APP: variants seen among roughly 807,000 people sequenced by gnomAD.
The protein encoded by APP is amyloid-beta precursor protein.
In APP, 31 loss-of-function variants were observed where a neutral mutation model predicts 101.4. The ratio of observed to expected loss-of-function variants is 0.31; its 90% CI spans 0.23 to 0.41. The LOEUF (loss-of-function observed/expected upper bound fraction) is 0.41, where lower values mean the gene tolerates loss of function less well. Ranked by LOEUF, APP falls within the 10% of genes least tolerant of loss-of-function variation. The pLI, the probability that APP is intolerant of heterozygous loss-of-function variation, is 1.00. For synonymous variants in APP, 366 were observed against 364.4 expected (o/e 1.00, Z -0.05); for missense variants, 839 against 1,003.7 (o/e 0.84, Z 2.22).
intron 1 of APP, among the ~76,000 whole-genome samples, chr21:26,145,490 T>TA (rs1056611641): frequency 4.9e-4 from 75 of 152,322 alleles, no homozygotes; most frequent in African/African-American, 1.7e-3. Context: ...ACTCAGGCAG[T>TA]AATGCTCACT....
At chr21:25,998,170 C>T (rs960579005) in intron 7 of APP, among the ~76,000 whole-genome samples, 5 of 152,146 alleles carry the variant, frequency 3.3e-5, no homozygotes, top group Non-Finnish European at 7.3e-5. Flanking sequence ...GAAAATGAAT[C>T]CACCCAGGGA....
chr21:25,933,623 A>G (rs755977438), intron 13 of APP, among the ~76,000 whole-genome samples: 4 of 152,218 alleles, frequency 2.6e-5, no homozygotes, highest in Non-Finnish European at 5.9e-5. Flanking sequence ...AAATTAAAAA[A>G]TGATTCACAT....
At chr21:25,890,688 A>C (rs2037632023) in intron 17 of APP, among the ~76,000 whole-genome samples, 1 of 145,272 alleles carries the variant, frequency 6.9e-6, no homozygotes, top group Admixed American at 7.2e-5. Flanking sequence ...GCAGTGAGCC[A>C]AGATCCAGCC....
intron 15 of APP, among the ~76,000 whole-genome samples, chr21:25,899,141 T>C (rs2038273599): frequency 6.6e-6 from 1 of 152,190 alleles, no homozygotes; most frequent in Non-Finnish European, 1.5e-5. Context: ...TGTGAAGCTA[T>C]CTTCTCTCCT....
chr21:25,927,874 A>G (rs2039967648), intron 13 of APP, among the ~76,000 whole-genome samples: 1 of 152,196 alleles, frequency 6.6e-6, no homozygotes, highest in African/African-American at 2.4e-5. Context: ...TACCAGTGGC[A>G]TCAGTCAGTA....
chr21:26,126,255 A>G (rs2062682051), intron 1 of APP, among the ~76,000 whole-genome samples: 3 of 152,212 alleles, frequency 2.0e-5, no homozygotes. Flanking sequence ...ATTCTAGATA[A>G]TAAGAATTTT....
chr21:26,068,510 C>A (rs551081726), intron 3 of APP, among the ~76,000 whole-genome samples: 2 of 152,256 alleles, frequency 1.3e-5, no homozygotes, highest in South Asian at 2.1e-4. Flanking sequence ...CCGGCACATG[C>A]CAACATGCCT....
In APP at chr21:25,982,477, A is replaced by C; in HGVS notation, c.1091T>G (p.Leu364Arg). 6.2e-7 allele frequency: 1 copy of C among 1,613,912 alleles called. No homozygotes were observed. Among genetic ancestry groups the C allele is most frequent in the Non-Finnish European group, 8.5e-7 (1 of 1,179,852 alleles). Residue 364 changes from leucine (L) to arginine (R), a missense_variant and splice_region_variant, in exon 9 of 18, where the codon CTT becomes CGT. Leu to Arg is a moderately radical substitution (Grantham distance 102). Coordinates refer to ENST00000346798, the MANE Select transcript of APP (RefSeq NM_000484.4). ...QEPLARDPVK[L>R]PTTAASTPDA... ...AGGGGTACTGGCTGCTGTTGTAGGA[A>C]CTATAAAGTAGAAGAGAAGGAGGTT...
intron 1 of APP, among the ~76,000 whole-genome samples, chr21:26,121,159 A>T (rs1425037061): frequency 6.6e-6 from 1 of 152,208 alleles, no homozygotes; most frequent in Non-Finnish European, 1.5e-5. Flanking sequence ...CCCAAAGTTA[A>T]AGCCTCAGTT....
chr21:26,039,528 T>C (rs2146856843), intron 5 of APP, among the ~76,000 whole-genome samples: 2 of 152,378 alleles, frequency 1.3e-5, no homozygotes, highest in Middle Eastern at 6.8e-3. Flanking sequence ...AATATCAAAC[T>C]ATACTTTTGA....
At chr21:25,938,841 C>T in intron 13 of APP, among the ~76,000 whole-genome samples, 1 of 152,166 alleles carries the variant, frequency 6.6e-6, no homozygotes, top group East Asian at 1.9e-4. Context: ...CGAGCTAGGA[C>T]TGGAGTCAGC....
At chr21:25,903,605 G>A (rs1310340832) in intron 15 of APP, among the ~76,000 whole-genome samples, 3 of 152,052 alleles carry the variant, frequency 2.0e-5, no homozygotes, top group Admixed American at 2.0e-4. Context: ...CAAGGCAAAT[G>A]ACCAACCTGA....
intron 11 of APP, among the ~76,000 whole-genome samples, chr21:25,959,443 A>G (rs2041482539): frequency 6.6e-6 from 1 of 152,244 alleles, no homozygotes; most frequent in Non-Finnish European, 1.5e-5. Flanking sequence ...AAAAACAAAC[A>G]AACAAAAACA....
chr21:26,017,230 A>C (rs189908103), intron 6 of APP, among the ~76,000 whole-genome samples: 1 of 143,056 alleles, frequency 7.0e-6, no homozygotes, highest in Admixed American at 6.9e-5. Flanking sequence ...TCTTGGCCTT[A>C]GAGATCTTGG....
intron 15 of APP, among the ~76,000 whole-genome samples, chr21:25,898,298 T>G (rs2038215070): frequency 6.6e-6 from 1 of 152,238 alleles, no homozygotes; most frequent in African/African-American, 2.4e-5. Context: ...TCTTAGCAAC[T>G]AACAGAATTT....
chr21:26,015,629 A>G (rs1330831135), intron 6 of APP, among the ~76,000 whole-genome samples: 5 of 152,188 alleles, frequency 3.3e-5, no homozygotes, highest in Non-Finnish European at 5.9e-5. Context: ...AAAACAGGTT[A>G]CTTAACTGGC....
intron 1 of APP, among the ~76,000 whole-genome samples, chr21:26,143,221 C>T (rs1042397306): frequency 6.6e-6 from 1 of 152,118 alleles, no homozygotes; most frequent in African/African-American, 2.4e-5. Context: ...TGCCTATAAT[C>T]CTAATATGTC....
intron 6 of APP, among the ~76,000 whole-genome samples, chr21:26,018,318 T>C (rs892236220): frequency 6.6e-6 from 1 of 152,216 alleles, no homozygotes; most frequent in Non-Finnish European, 1.5e-5. Context: ...GAAAACAAGA[T>C]TGTAAGCCTC....
intron 3 of APP, among the ~76,000 whole-genome samples, chr21:26,075,331 A>G (rs921825089): frequency 1.3e-5 from 2 of 152,244 alleles, no homozygotes; most frequent in Non-Finnish European, 2.9e-5. Context: ...GGAAAGGGTT[A>G]ACCATCAGCA....
Sources: gnomAD v4.1 joint callset for allele counts (sites outside exome capture counted in the v4.1 genomes callset) on GRCh38, gnomAD v4.1.1 for gene constraint, MANE v1.5 for transcripts, NCBI Gene and HGNC (gene_info 2026-07-23, HGNC 2026-07-21) for gene names.